Variants in RGL1 observed in about 807,000 individuals in gnomAD.
RGL1 encodes ral guanine nucleotide dissociation stimulator-like 1.
A neutral mutation model predicts 95.2 loss-of-function variants in RGL1; 24 were observed. The observed-to-expected ratio is 0.25, with a 90% CI of 0.18 to 0.35. The LOEUF (loss-of-function observed/expected upper bound fraction) is 0.35. Among genes scored for constraint, RGL1 ranks in the 10% least tolerant of loss-of-function variants. The pLI, the probability that RGL1 is intolerant of heterozygous loss-of-function variation, is 1.00. For synonymous variants in RGL1, 329 were observed against 344.9 expected (o/e 0.95, Z 0.51); for missense variants, 715 against 936.3 (o/e 0.76, Z 3.08).
chr1:183,731,065 C>A (rs1338938546), intron 1 of RGL1, among the ~76,000 whole-genome samples: 1 of 152,152 alleles, frequency 6.6e-6, no homozygotes, highest in Non-Finnish European at 1.5e-5. Context: ...CAATTAATAT[C>A]TTTGTGGTAT....
chr1:183,897,433 C>G (rs1294238710), intron 9 of RGL1, among the ~76,000 whole-genome samples: 1 of 152,030 alleles, frequency 6.6e-6, no homozygotes, highest in Non-Finnish European at 1.5e-5. Flanking sequence ...CCTCTAATCC[C>G]AGCTACTCGG....
intron 17 of RGL1, among the ~76,000 whole-genome samples, chr1:183,922,728 C>G (rs74953330): frequency 1.5e-3 from 234 of 152,314 alleles, no homozygotes; most frequent in African/African-American, 5.4e-3. Flanking sequence ...GTGTGTGAAT[C>G]TGAAATTTAG....
intron 1 of RGL1, among the ~76,000 whole-genome samples, chr1:183,687,142 T>C (rs1653639952): frequency 6.6e-6 from 1 of 152,242 alleles, no homozygotes; most frequent in African/African-American, 2.4e-5. Context: ...TTATGTGCTA[T>C]TCTATTACCT....
intron 14 of RGL1, among the ~76,000 whole-genome samples, chr1:183,910,389 G>A (rs1668573614): frequency 6.6e-6 from 1 of 152,162 alleles, no homozygotes; most frequent in East Asian, 1.9e-4. Context: ...GAGCCACTGT[G>A]CCTGGCCCCC....
In RGL1 at chr1:183,911,066, G is replaced by A. The variant is rs187714865; in HGVS notation, c.1563-1016G>A. On this transcript the variant is annotated intron_variant, in intron 14 of 17. Transcript: ENST00000360851. ...TGTGTATTTTGTAATTTTGTATCACGAGTTTATCTTTATCAGGGGATTCTC... is the reference window on the plus strand; with the variant it reads ...TGTGTATTTTGTAATTTTGTATCACAAGTTTATCTTTATCAGGGGATTCTC... Among the ~76,000 whole-genome samples the A allele has an allele frequency of 2.6e-3, 399 of 152,284 alleles. 4 individuals are homozygous for A. The highest frequency in any genetic ancestry group is 9.1e-3 in the African/African-American group (379 of 41,562).
In RGL1 at chr1:183,922,074, C is replaced by T. The variant is rs530202427; in HGVS notation, c.2005-148C>T. ...AGAACCAGGACTAGAAACCAGGGAT[C>T]CTGGCTCTTGGTCCAGTTCCAATTC... is the stretch of plus-strand genomic sequence containing the variant. On this transcript the variant is annotated intron_variant, in intron 16 of 17. Coordinates refer to ENST00000360851, the MANE Select transcript of RGL1 (RefSeq NM_001297671.3). The T allele has an allele frequency of 5.4e-5, 35 of 650,512 alleles. No homozygotes were observed. The African/African-American group carries it at 6.2e-4, about 11-fold the overall frequency. The allele number at this position is 650,512 out of a possible 1,614,324, so 40.3% of individuals were successfully genotyped here.
chr1:183,660,920 A>G (rs1651571574), intron 1 of RGL1, among the ~76,000 whole-genome samples: 1 of 152,222 alleles, frequency 6.6e-6, no homozygotes, highest in Non-Finnish European at 1.5e-5. Flanking sequence ...AAACCGCTCA[A>G]CTACATGGAA....
intron 3 of RGL1, among the ~76,000 whole-genome samples, chr1:183,856,834 CTT>C (rs1341937805): frequency 1.3e-5 from 2 of 151,946 alleles, no homozygotes; most frequent in African/African-American, 4.8e-5. Flanking sequence ...GCATTAAAAA[CTT>C]TGATAGGGGA....
At chr1:183,862,152 G>A (rs981753388) in intron 3 of RGL1, among the ~76,000 whole-genome samples, 1 of 152,048 alleles carries the variant, frequency 6.6e-6, no homozygotes, top group African/African-American at 2.4e-5. Context: ...GACCGGCCTG[G>A]GCAACAGAGT....
At chr1:183,869,033 G>A (rs963092279) in intron 4 of RGL1, among the ~76,000 whole-genome samples, 6 of 152,210 alleles carry the variant, frequency 3.9e-5, no homozygotes, top group African/African-American at 1.4e-4. Context: ...CAGGAGGATT[G>A]CTTGAGCCTG....
intron 2 of RGL1, among the ~76,000 whole-genome samples, chr1:183,830,269 A>T (rs1663170696): frequency 6.6e-6 from 1 of 152,192 alleles, no homozygotes; most frequent in Non-Finnish European, 1.5e-5. Flanking sequence ...GACACCTCAA[A>T]CAATATCCTT....
At chr1:183,822,886 G>T (rs1465853075) in intron 2 of RGL1, among the ~76,000 whole-genome samples, 2 of 152,082 alleles carry the variant, frequency 1.3e-5, no homozygotes. Context: ...AGCTAACTGG[G>T]CTATTTTCCT....
intron 1 of RGL1, among the ~76,000 whole-genome samples, chr1:183,708,861 A>G (rs1263260678): frequency 6.6e-6 from 1 of 152,222 alleles, no homozygotes; most frequent in African/African-American, 2.4e-5. Flanking sequence ...GGGTGGAAGG[A>G]CACAAGGGAC....
intron 2 of RGL1, among the ~76,000 whole-genome samples, chr1:183,827,113 G>C (rs1292294304): frequency 6.6e-6 from 1 of 152,120 alleles, no homozygotes; most frequent in Admixed American, 6.5e-5. Flanking sequence ...AATAGAGTCA[G>C]GGTTTTGCCA....
chr1:183,673,843 G>A (rs2102059906), intron 1 of RGL1, among the ~76,000 whole-genome samples: 1 of 152,214 alleles, frequency 6.6e-6, no homozygotes, highest in East Asian at 1.9e-4. Flanking sequence ...TTTAGACATG[G>A]TGCATTGGGT....
intron 1 of RGL1, among the ~76,000 whole-genome samples, chr1:183,641,314 T>G (rs1051150115): frequency 1.3e-5 from 2 of 152,190 alleles, no homozygotes; most frequent in Admixed American, 6.5e-5. Context: ...TTTGTATTTT[T>G]TGTAGAGATG....
At chr1:183,899,285 GTATCTTCT>G (rs1667881304) in intron 10 of RGL1, among the ~76,000 whole-genome samples, 1 of 152,174 alleles carries the variant, frequency 6.6e-6, no homozygotes, top group African/African-American at 2.4e-5. Flanking sequence ...TTTTCCACTA[GTATCTTCT>G]TATCTGTTCC....
chr1:183,920,987 T>C (rs556818571), intron 16 of RGL1, among the ~76,000 whole-genome samples: 4 of 152,220 alleles, frequency 2.6e-5, no homozygotes, highest in Non-Finnish European at 5.9e-5. Flanking sequence ...GTGGGGGGCT[T>C]TCTTTCTATA....
At chr1:183,887,984 T>G (rs547918492) in intron 7 of RGL1, among the ~76,000 whole-genome samples, 1 of 152,288 alleles carries the variant, frequency 6.6e-6, no homozygotes, top group East Asian at 1.9e-4. Context: ...AAGTTCAACT[T>G]GTGGTGAATT....
Sources: allele counts gnomAD v4.1 joint callset (sites outside exome capture counted in the v4.1 genomes callset), GRCh38; gene constraint gnomAD v4.1.1; transcripts MANE v1.5; gene names NCBI Gene and HGNC (gene_info 2026-07-23, HGNC 2026-07-21).